FAM110B: variants seen among roughly 807,000 people sequenced by gnomAD.
The protein encoded by FAM110B is protein FAM110B.
FAM110B carries 6 observed loss-of-function variants against 20.4 expected under a neutral mutation model. That is an observed-to-expected ratio of 0.29 (90% CI 0.16 to 0.58). The LOEUF (loss-of-function observed/expected upper bound fraction) is 0.58. Among genes scored for constraint, FAM110B ranks in the 20% least tolerant of loss-of-function variants. The probability of loss-of-function intolerance (pLI) is 0.90; values close to 1 mark genes in which losing one functional copy is unlikely to be tolerated. For missense variants in FAM110B, 434 were observed against 498.2 expected, an observed-to-expected ratio of 0.87 and a Z score of 1.23; for synonymous variants, 226 against 214.1, an observed-to-expected ratio of 1.06 and a Z score of -0.49.
At chr8:58,009,632 A>G (rs541863106) in intron 1 of FAM110B, among the ~76,000 whole-genome samples, 1 of 152,252 alleles carries the variant, frequency 6.6e-6, no homozygotes, top group Non-Finnish European at 1.5e-5. Flanking sequence ...ATATGTCTAC[A>G]TGAAAACTTA....
intron 3 of FAM110B, among the ~76,000 whole-genome samples, chr8:58,125,786 G>T (rs1807486062): frequency 6.6e-6 from 1 of 152,014 alleles, no homozygotes; most frequent in African/African-American, 2.4e-5. Flanking sequence ...TCCTTTATTT[G>T]GGAAGCAGAT....
At chr8:58,079,613 C>T (rs1207163553) in intron 3 of FAM110B, among the ~76,000 whole-genome samples, 1 of 151,388 alleles carries the variant, frequency 6.6e-6, no homozygotes, top group Non-Finnish European at 1.5e-5. Flanking sequence ...CCTGTCTCTA[C>T]AAAAAAAAAT....
At position 58,146,293 on chromosome 8, in the gene FAM110B, C is replaced by T; in HGVS notation, c.63C>T (p.Phe21=). ...MVKPVSPAGT[F]TSAVPLRILN... ...AGCCGGTCAGCCCCGCGGGCACCTT[C>T]ACCTCTGCTGTGCCCCTGCGCATCC... The change falls in exon 4 of 4, where the codon TTC becomes TTT. Residue 21 remains phenylalanine (F), a synonymous_variant. Coordinates refer to ENST00000519262, the MANE Select transcript of FAM110B (RefSeq NM_001377989.1). 2.5e-6 allele frequency: 4 copies of T among 1,613,822 alleles called. No individual in the cohort carries two copies. Among genetic ancestry groups the T allele is most frequent in the Non-Finnish European group, 3.4e-6 (4 of 1,179,918 alleles).
intron 3 of FAM110B, among the ~76,000 whole-genome samples, chr8:58,135,444 C>T (rs1374763678): frequency 1.3e-5 from 2 of 152,124 alleles, no homozygotes; most frequent in East Asian, 1.9e-4. Flanking sequence ...GAGGAATTCA[C>T]CCAAAATACT....
At chr8:58,143,656 T>G (rs949232626) in intron 3 of FAM110B, among the ~76,000 whole-genome samples, 7 of 152,248 alleles carry the variant, frequency 4.6e-5, no homozygotes, top group African/African-American at 1.7e-4. Context: ...GAAGATAGAC[T>G]GGTATTCCTC....
At chr8:58,028,841 T>C (rs764625949) in intron 1 of FAM110B, among the ~76,000 whole-genome samples, 2 of 152,210 alleles carry the variant, frequency 1.3e-5, no homozygotes, top group Non-Finnish European at 2.9e-5. Flanking sequence ...CTGCGGAATC[T>C]GTCAGTTCAC....
At position 58,148,379 on chromosome 8, in the gene FAM110B, G is replaced by A. The variant is rs769059636; in HGVS notation, c.*1036G>A. On this transcript the variant is annotated 3_prime_UTR_variant, in exon 4 of 4. Coordinates refer to ENST00000519262, the MANE Select transcript of FAM110B (RefSeq NM_001377989.1). Reference sequence around the variant, plus strand: ...GGTAGCTGAACCATATCTGAGCAGCGTGATTCTGTTGTCTTGCATATGTTA... The same window carrying A: ...GGTAGCTGAACCATATCTGAGCAGCATGATTCTGTTGTCTTGCATATGTTA... 4.8e-5 allele frequency: 8 copies of A among 166,994 alleles called. No homozygotes were observed. The highest frequency in any genetic ancestry group is 1.0e-4 in the Non-Finnish European group (7 of 68,124). The allele number at this position is 166,994 out of a possible 1,614,324, so 10.3% of individuals were successfully genotyped here.
At chr8:58,031,100 C>T (rs1225596945) in intron 1 of FAM110B, among the ~76,000 whole-genome samples, 5 of 152,222 alleles carry the variant, frequency 3.3e-5, no homozygotes, top group Admixed American at 2.0e-4. Context: ...TGTGTTTGTT[C>T]GTGACCTTGG....
At chr8:58,018,274 T>A (rs1804677727) in intron 1 of FAM110B, among the ~76,000 whole-genome samples, 1 of 152,166 alleles carries the variant, frequency 6.6e-6, no homozygotes, top group Admixed American at 6.5e-5. Flanking sequence ...TGAAGTTCTA[T>A]AATTAGGTAC....
intron 1 of FAM110B, among the ~76,000 whole-genome samples, chr8:58,010,517 C>T (rs1563495845): frequency 6.6e-6 from 1 of 152,206 alleles, no homozygotes; most frequent in South Asian, 2.1e-4. Context: ...ATCTGGGGCT[C>T]ATTCATTGAA....
At chr8:58,089,310 A>G (rs982032842) in intron 3 of FAM110B, among the ~76,000 whole-genome samples, 10 of 152,144 alleles carry the variant, frequency 6.6e-5, no homozygotes, top group African/African-American at 2.4e-4. Flanking sequence ...TGATGCTTCT[A>G]TTTCACTGCT....
intron 2 of FAM110B, among the ~76,000 whole-genome samples, chr8:58,045,184 A>G (rs965395204): frequency 6.6e-6 from 1 of 152,182 alleles, no homozygotes; most frequent in Admixed American, 6.5e-5. Context: ...AGTTCAGAGC[A>G]CACTTGAATT....
At chr8:58,018,168 A>T (rs2150568323) in intron 1 of FAM110B, among the ~76,000 whole-genome samples, 1 of 152,302 alleles carries the variant, frequency 6.6e-6, no homozygotes, top group East Asian at 1.9e-4. Flanking sequence ...TGCCTGTTCT[A>T]TCAATTATTG....
At chr8:58,058,930 A>G (rs550713713) in intron 2 of FAM110B, among the ~76,000 whole-genome samples, 73 of 152,326 alleles carry the variant, frequency 4.8e-4, no homozygotes, top group African/African-American at 1.7e-3. Flanking sequence ...TCATCATCCC[A>G]GCAAATTCTC....
At chr8:58,006,921 A>T (rs80042191) in intron 1 of FAM110B, among the ~76,000 whole-genome samples, 23,511 of 119,606 alleles carry the variant, frequency 0.2, 3,126 homozygotes, top group Middle Eastern at 0.35. Flanking sequence ...ATATATATAT[A>T]TATTTTTCCA....
intron 3 of FAM110B, among the ~76,000 whole-genome samples, chr8:58,097,876 A>G (rs1367834265): frequency 6.6e-6 from 1 of 152,206 alleles, no homozygotes; most frequent in Non-Finnish European, 1.5e-5. Flanking sequence ...TTGCATGGGT[A>G]TCACCAGCAG....
intron 1 of FAM110B, among the ~76,000 whole-genome samples, chr8:57,999,131 G>T (rs1327272233): frequency 2.0e-5 from 3 of 152,190 alleles, no homozygotes; most frequent in African/African-American, 4.8e-5. Context: ...GATAAAAATA[G>T]TGAACATGTG....
intron 2 of FAM110B, among the ~76,000 whole-genome samples, chr8:58,044,938 C>T (rs919410158): frequency 3.9e-5 from 6 of 152,122 alleles, no homozygotes; most frequent in African/African-American, 1.4e-4. Context: ...ATTTATACTA[C>T]TTAGTTTTAG....
At chr8:58,025,386 A>G (rs960323242) in intron 1 of FAM110B, among the ~76,000 whole-genome samples, 6 of 152,198 alleles carry the variant, frequency 3.9e-5, no homozygotes, top group African/African-American at 1.4e-4. Context: ...GGCAAGAAGA[A>G]GCATGGCCTG....
Sources: gnomAD v4.1 joint callset for allele counts (sites outside exome capture counted in the v4.1 genomes callset) on GRCh38, gnomAD v4.1.1 for gene constraint, MANE v1.5 for transcripts, NCBI Gene and HGNC (gene_info 2026-07-23, HGNC 2026-07-21) for gene names.